RANBP17: variants seen among roughly 807,000 people sequenced by gnomAD.
RANBP17 encodes the protein ran-binding protein 17.
A neutral mutation model predicts 141.2 loss-of-function variants in RANBP17; 158 were observed. The ratio of observed to expected loss-of-function variants is 1.12; its 90% CI spans 0.98 to 1.28. The LOEUF (loss-of-function observed/expected upper bound fraction) is 1.28, where lower values mean the gene tolerates loss of function less well. Among genes scored for constraint, RANBP17 ranks in the 50% most tolerant of loss-of-function variants. RANBP17 has a pLI of 0.00. For synonymous variants in RANBP17, 430 were observed against 450.0 expected, an observed-to-expected ratio of 0.96 and a Z score of 0.56; for missense variants, 1,438 against 1,290.7, an observed-to-expected ratio of 1.11 and a Z score of -1.75.
intron 14 of RANBP17, among the ~76,000 whole-genome samples, chr5:171,026,853 A>C (rs114539673): frequency 0.018 from 2,767 of 152,264 alleles, 81 homozygotes; most frequent in African/African-American, 0.064. Context: ...CCCCCAGGCC[A>C]CAGGTTGGTA....
chr5:170,889,237 G>C (rs1305978157), intron 3 of RANBP17, among the ~76,000 whole-genome samples: 3 of 151,644 alleles, frequency 2.0e-5, no homozygotes, highest in African/African-American at 7.3e-5. Context: ...TTCCATCAGA[G>C]GATTTTTAGT....
At chr5:171,006,756 A>AG (rs1162419230) in intron 14 of RANBP17, among the ~76,000 whole-genome samples, 1 of 151,646 alleles carries the variant, frequency 6.6e-6, no homozygotes, top group Non-Finnish European at 1.5e-5. Flanking sequence ...AAAAAAAAAA[A>AG]AAGAATAGGT....
At chr5:170,896,619 C>A (rs989331783) in intron 5 of RANBP17, among the ~76,000 whole-genome samples, 4 of 152,074 alleles carry the variant, frequency 2.6e-5, no homozygotes, top group Non-Finnish European at 5.9e-5. Flanking sequence ...CACCTGAGGT[C>A]AGGAATTCGA....
At chr5:170,977,447 A>G (rs1404615824) in intron 14 of RANBP17, among the ~76,000 whole-genome samples, 1 of 152,104 alleles carries the variant, frequency 6.6e-6, no homozygotes, top group Non-Finnish European at 1.5e-5. Flanking sequence ...CAGTTCTTCA[A>G]AAGGTTAAAC....
At chr5:171,261,090 C>CCA (rs1554125343) in intron 24 of RANBP17, among the ~76,000 whole-genome samples, 1,129 of 68,146 alleles carry the variant, frequency 0.017, 20 homozygotes, top group African/African-American at 0.024. Flanking sequence ...CCACCCCCCC[C>CCA]AAAAAAAAAA....
chr5:171,081,160 C>G (rs2127709549), intron 14 of RANBP17, among the ~76,000 whole-genome samples: 1 of 152,246 alleles, frequency 6.6e-6, no homozygotes, highest in South Asian at 2.1e-4. Flanking sequence ...CCAGCTGTGT[C>G]TCTGAGGACA....
At chr5:171,224,503 C>T (rs920001871) in intron 22 of RANBP17, among the ~76,000 whole-genome samples, 1 of 152,228 alleles carries the variant, frequency 6.6e-6, no homozygotes, top group African/African-American at 2.4e-5. Flanking sequence ...AAAGGATTCT[C>T]ACAGAATAAT....
chr5:170,991,003 GCTTTT>G (rs1778473336), intron 14 of RANBP17, among the ~76,000 whole-genome samples: 1 of 151,810 alleles, frequency 6.6e-6, no homozygotes, highest in African/African-American at 2.4e-5. Flanking sequence ...GCCTTAATTA[GCTTTT>G]CTTTTAATGT....
intron 24 of RANBP17, among the ~76,000 whole-genome samples, chr5:171,247,819 C>T (rs897349676): frequency 1.3e-5 from 2 of 152,068 alleles, no homozygotes; most frequent in Non-Finnish European, 2.9e-5. Context: ...AGATTCCTGC[C>T]CACATGAAAG....
intron 20 of RANBP17, chr5:171,207,142 T>C (rs1762626637): frequency 6.2e-6 from 1 of 161,306 alleles, no homozygotes; most frequent in South Asian, 2.0e-4. Context: ...GCTTGACTCT[T>C]TTATTTCTCT....
At chr5:170,942,692 T>A (rs964902712) in intron 12 of RANBP17, among the ~76,000 whole-genome samples, 1 of 152,236 alleles carries the variant, frequency 6.6e-6, no homozygotes, top group Admixed American at 6.5e-5. Flanking sequence ...ACAGTATTGC[T>A]AATGCATTGA....
intron 5 of RANBP17, 101 bp from the exon 6 acceptor site, chr5:170,909,560 T>A: frequency 1.6e-6 from 1 of 624,432 alleles, no homozygotes; most frequent in Non-Finnish European, 2.7e-6. Context: ...AAACTTGGGT[T>A]CTACTCAAGT....
At chr5:170,888,959 T>C (rs1279142918) in intron 3 of RANBP17, among the ~76,000 whole-genome samples, 1 of 152,172 alleles carries the variant, frequency 6.6e-6, no homozygotes, top group Non-Finnish European at 1.5e-5. Context: ...TTTTTCTGCA[T>C]CTATTTATGT....
chr5:170,872,912 T>C (rs10042827), intron 1 of RANBP17, among the ~76,000 whole-genome samples: 83,999 of 151,990 alleles, frequency 0.55, 26,252 homozygotes, highest in South Asian at 0.81. Context: ...AGCTTTTTTT[T>C]TCTTTTTTTC....
At chr5:171,174,510 A>G (rs926335804) in intron 16 of RANBP17, among the ~76,000 whole-genome samples, 1 of 152,208 alleles carries the variant, frequency 6.6e-6, no homozygotes, top group Non-Finnish European at 1.5e-5. Context: ...CTGAAAACGG[A>G]GAAGAGTATC....
intron 12 of RANBP17, among the ~76,000 whole-genome samples, chr5:170,951,319 A>G (rs1423815978): frequency 6.6e-6 from 1 of 152,140 alleles, no homozygotes; most frequent in African/African-American, 2.4e-5. Flanking sequence ...GCATGTAACA[A>G]AGTATCACAT....
At chr5:171,168,131 C>T (rs1278294604) in intron 14 of RANBP17, among the ~76,000 whole-genome samples, 5 of 152,098 alleles carry the variant, frequency 3.3e-5, no homozygotes, top group Non-Finnish European at 7.4e-5. Context: ...AAGAAGCACT[C>T]AGTGTCATGA....
Position 171,199,697 on chromosome 5 carries a change from T to G in RANBP17, c.2066T>G (p.Phe689Cys). The G allele has an allele frequency of 6.2e-7, 1 of 1,610,368 alleles. No homozygotes were observed. Among genetic ancestry groups the G allele is most frequent in the Non-Finnish European group, 8.5e-7 (1 of 1,177,910 alleles). The stretch of plus-strand genomic sequence containing the variant: ...GAAGATGAGGATGAATTTGAGAATT[T>G]CATGCTGCCTCTTACAGTTGCTTTT... ...LGEDEDEFEN[F>C]MLPLTVAFET... is the part of the protein sequence containing the mutation. Residue 689 changes from phenylalanine (F) to cysteine (C), a missense_variant, in exon 19 of 28, where the codon TTC becomes TGC. Coordinates refer to ENST00000523189, the MANE Select transcript of RANBP17 (RefSeq NM_022897.5).
At chr5:171,130,399 A>AAAATATGC (rs1232121413) in intron 14 of RANBP17, among the ~76,000 whole-genome samples, 7 of 150,818 alleles carry the variant, frequency 4.6e-5, no homozygotes, top group Admixed American at 1.3e-4. Context: ...TCACATTTTT[A>AAAATATGC]AAATATGCTC....
Sources: allele counts gnomAD v4.1 joint callset (sites outside exome capture counted in the v4.1 genomes callset), GRCh38; gene constraint gnomAD v4.1.1; transcripts MANE v1.5; gene names NCBI Gene and HGNC (gene_info 2026-07-23, HGNC 2026-07-21).